MACC1: variants seen among roughly 807,000 people sequenced by gnomAD.
The protein encoded by MACC1 is metastasis-associated in colon cancer protein 1.
Under a neutral mutation model 70.7 loss-of-function variants are expected in MACC1, and 79 were observed. The ratio of observed to expected loss-of-function variants is 1.12; its 90% CI spans 0.93 to 1.35. MACC1 has a LOEUF of 1.35. Ranked by LOEUF, MACC1 falls within the 40% of genes most tolerant of loss-of-function variation. The pLI is 0.00. For synonymous variants in MACC1, 361 were observed against 347.2 expected (o/e 1.04, Z -0.44); for missense variants, 1,106 against 978.1 (o/e 1.13, Z -1.74).
chr7:20,171,949 G>A (rs902610270), intron 1 of MACC1, among the ~76,000 whole-genome samples: 1 of 152,072 alleles, frequency 6.6e-6, no homozygotes, highest in African/African-American at 2.4e-5. Flanking sequence ...AACTGCCCTG[G>A]GTAAGAAAGG....
intron 1 of MACC1, among the ~76,000 whole-genome samples, chr7:20,188,336 G>T (rs1201300648): frequency 6.6e-6 from 1 of 152,050 alleles, no homozygotes; most frequent in Non-Finnish European, 1.5e-5. Flanking sequence ...CATTACTGTG[G>T]GTGAGCTGCC....
At chr7:20,213,102 T>C (rs1783022012) in intron 1 of MACC1, among the ~76,000 whole-genome samples, 2 of 152,098 alleles carry the variant, frequency 1.3e-5, no homozygotes, top group Admixed American at 6.6e-5. Flanking sequence ...GCAAAGATGG[T>C]GGCCCACCCT....
At chr7:20,185,435 G>A (rs1048700010) in intron 1 of MACC1, among the ~76,000 whole-genome samples, 1 of 152,100 alleles carries the variant, frequency 6.6e-6, no homozygotes, top group East Asian at 1.9e-4. Context: ...TTGGGATTGG[G>A]TTGGACGCCC....
intron 6 of MACC1, among the ~76,000 whole-genome samples, chr7:20,146,075 C>G (rs1056324792): frequency 6.6e-6 from 1 of 150,956 alleles, no homozygotes; most frequent in Non-Finnish European, 1.5e-5. Context: ...GCAGGAGAAT[C>G]GCTTGAACCC....
chr7:20,158,712 A>C lies in MACC1; in HGVS notation c.1649T>G (p.Phe550Cys). ...CTTCAGGGTTACCCCATAGTTGCTAAAGTTCAATGTTTTATCTTGAAATGT... is the reference window on the plus strand; with the variant it reads ...CTTCAGGGTTACCCCATAGTTGCTACAGTTCAATGTTTTATCTTGAAATGT... ...YPTFQDKTLN[F>C]SNYGVTLKAV... The change falls in exon 5 of 7, where the codon TTT (phenylalanine) becomes TGT (cysteine). Residue 550 changes from phenylalanine to cysteine, a missense_variant. Physicochemically the swap from Phe to Cys is radical, Grantham distance 205. Transcript: ENST00000400331. The C allele has an allele frequency of 6.2e-7, 1 of 1,613,892 alleles. No individual in the cohort carries two copies. Among genetic ancestry groups the C allele is most frequent in the Non-Finnish European group, 8.5e-7 (1 of 1,179,996 alleles).
At chr7:20,207,945 T>C (rs972082729) in intron 1 of MACC1, among the ~76,000 whole-genome samples, 1 of 152,166 alleles carries the variant, frequency 6.6e-6, no homozygotes, top group African/African-American at 2.4e-5. Context: ...GGGAGGTAAT[T>C]GAATCATGGG....
In MACC1 at chr7:20,163,156, C is replaced by T. The variant is rs149528937; in HGVS notation, c.-9+1100G>A. 7.8e-3 allele frequency among the ~76,000 whole-genome samples: 1,179 copies of T among 152,068 alleles called. 27 individuals carry two copies. The highest frequency in any genetic ancestry group is 0.038 in the Admixed American group (585 of 15,278). On this transcript the variant is annotated intron_variant, in intron 3 of 6. Coordinates refer to ENST00000400331, the MANE Select transcript of MACC1 (RefSeq NM_182762.4). ...TTCTCAAAAAATGGAAACACAATGG[C>T]CCCTAGATATATGGAAATATGATCA...
chr7:20,165,364 G>A (rs890461160), intron 2 of MACC1, among the ~76,000 whole-genome samples: 2 of 152,108 alleles, frequency 1.3e-5, no homozygotes, highest in Admixed American at 1.3e-4. Context: ...CATTCTGAAA[G>A]CCATTCTAAA....
intron 1 of MACC1, among the ~76,000 whole-genome samples, chr7:20,186,564 A>C (rs1396373320): frequency 1.3e-5 from 2 of 152,150 alleles, no homozygotes; most frequent in East Asian, 3.8e-4. Flanking sequence ...AGTTAAATCC[A>C]CTGGAATAAT....
chr7:20,159,935 T>C lies in MACC1; in HGVS notation c.426A>G (p.Glu142=). 1.2e-6 allele frequency: 2 copies of C among 1,614,110 alleles called. No individual in the cohort carries two copies. The highest frequency in any genetic ancestry group is 1.7e-6 in the Non-Finnish European group (2 of 1,180,008). ...RNSGRSKSVS[E]LLDILDDTAH... ...CTGTGTCGTCTAAAATGTCCAGAAGTTCTGAAACACTTTTAGATCTTCCAG... is the reference window on the plus strand; with the variant it reads ...CTGTGTCGTCTAAAATGTCCAGAAGCTCTGAAACACTTTTAGATCTTCCAG... The change falls in exon 5 of 7, where the codon GAA becomes GAG. Residue 142 remains glutamate (E), a synonymous_variant. Coordinates refer to ENST00000400331, the MANE Select transcript of MACC1 (RefSeq NM_182762.4).
intron 6 of MACC1, among the ~76,000 whole-genome samples, chr7:20,146,607 T>C (rs1781895223): frequency 1.3e-5 from 2 of 152,242 alleles, no homozygotes; most frequent in South Asian, 4.1e-4. Flanking sequence ...AGAAAGGAGT[T>C]GCAGACAGCC....
intron 6 of MACC1, among the ~76,000 whole-genome samples, chr7:20,147,177 C>A (rs10273492): frequency 0.016 from 2,509 of 152,226 alleles, 56 homozygotes; most frequent in Admixed American, 0.046. Context: ...AAAGGCAAAA[C>A]ATACATAGTT....
intron 6 of MACC1, among the ~76,000 whole-genome samples, chr7:20,146,522 A>G (rs1781893794): frequency 6.6e-6 from 1 of 152,222 alleles, no homozygotes; most frequent in Non-Finnish European, 1.5e-5. Flanking sequence ...TTTTCTGGAA[A>G]TGTTTGAAGG....
rs750775333 is a variant in MACC1 at position 20,159,218 on chromosome 7, A to AT, written c.1142dup (p.His381GlnfsTer24). 2 of 1,613,992 alleles carry AT rather than the reference A, an allele frequency of 1.2e-6. No homozygotes were observed. Among genetic ancestry groups the AT allele is most frequent in the Non-Finnish European group, 1.7e-6 (2 of 1,179,998 alleles). Reference sequence around the variant, plus strand: ...CTGTTAAAACAACAGTAAAACTGGGATGGATATATTTGGGTCCATAAATTC... The same window carrying AT: ...CTGTTAAAACAACAGTAAAACTGGGATTGGATATATTTGGGTCCATAAATTC... On this transcript the variant is annotated frameshift_variant, in exon 5 of 7. Coordinates refer to ENST00000400331, the MANE Select transcript of MACC1 (RefSeq NM_182762.4). LOFTEE classifies it high-confidence loss of function.
At chr7:20,178,782 T>C (rs1782453827) in intron 1 of MACC1, among the ~76,000 whole-genome samples, 2 of 152,036 alleles carry the variant, frequency 1.3e-5, no homozygotes, top group African/African-American at 4.8e-5. Flanking sequence ...GTATTTTTAG[T>C]AGACATGGGG....
intron 1 of MACC1, among the ~76,000 whole-genome samples, chr7:20,204,629 C>G (rs1782883201): frequency 6.6e-6 from 1 of 152,028 alleles, no homozygotes; most frequent in Admixed American, 6.6e-5. Context: ...AATGAAACAC[C>G]AATGATCGAA....
Position 20,137,805 on chromosome 7 carries a change from A to T in MACC1, c.*3141T>A, listed in dbSNP as rs1781737781. 6.6e-6 allele frequency: 1 copy of T among 152,222 alleles called. No homozygotes were observed. Among genetic ancestry groups the T allele is most frequent in the African/African-American group, 2.4e-5 (1 of 41,470 alleles). The allele number at this position is 152,222 out of a possible 1,614,324, so 9.4% of individuals were successfully genotyped here. Reference sequence around the variant, plus strand: ...AAGTTCAGAAAAGTAGAAACTATTTATTTAAAAATTAGAATATATTTATAC... The same window carrying T: ...AAGTTCAGAAAAGTAGAAACTATTTTTTTAAAAATTAGAATATATTTATAC... On this transcript the variant is annotated 3_prime_UTR_variant, in exon 7 of 7. Transcript: ENST00000400331.
chr7:20,159,079 C>G lies in MACC1; in HGVS notation c.1282G>C (p.Asp428His). The G allele has an allele frequency of 3.1e-6, 5 of 1,601,826 alleles. No homozygotes were observed. Among genetic ancestry groups the G allele is most frequent in the Non-Finnish European group, 3.4e-6 (4 of 1,176,606 alleles). ...GAAATACTTAAATCTTGTGGCTTGT[C>G]AAGTAAAAATGACTGCTTCCCCCAG... ...QLWGKQSFLL[D>H]KPQDLSISIF... The change falls in exon 5 of 7, where the codon GAC becomes CAC. Residue 428 changes from aspartate (D) to histidine (H), a missense_variant. Transcript: ENST00000400331.
chr7:20,197,803 A>G (rs997479915), intron 1 of MACC1, among the ~76,000 whole-genome samples: 1 of 152,276 alleles, frequency 6.6e-6, no homozygotes, highest in African/African-American at 2.4e-5. Flanking sequence ...AAAAGTTTCA[A>G]TCACGTATTT....
Sources: gnomAD v4.1 joint callset for allele counts (sites outside exome capture counted in the v4.1 genomes callset) on GRCh38, gnomAD v4.1.1 for gene constraint, MANE v1.5 for transcripts, NCBI Gene and HGNC (gene_info 2026-07-23, HGNC 2026-07-21) for gene names.